TTLL12: variants seen among roughly 807,000 people sequenced by gnomAD.
The protein encoded by TTLL12 is tubulin--tyrosine ligase-like protein 12.
A neutral mutation model predicts 79.6 loss-of-function variants in TTLL12; 77 were observed. The ratio of observed to expected loss-of-function variants is 0.97; its 90% CI spans 0.81 to 1.17. The LOEUF (loss-of-function observed/expected upper bound fraction) is 1.17. Among genes scored for constraint, TTLL12 ranks in the 50% most tolerant of loss-of-function variants. The pLI, the probability that TTLL12 is intolerant of heterozygous loss-of-function variation, is 0.00. For synonymous variants in TTLL12, 437 were observed against 376.1 expected (o/e 1.16, Z -1.87); for missense variants, 969 against 895.9 (o/e 1.08, Z -1.04).
rs1157614366 is a variant in TTLL12 at position 43,180,906 on chromosome 22, C to T, written c.382G>A (p.Val128Met). Residue 128 changes from valine (V) to methionine (M), a missense_variant, in exon 3 of 14, where the codon GTG (valine) becomes ATG (methionine). Transcript: ENST00000216129. Reference sequence around the variant, plus strand: ...TGCAGCTGCTGGCGCGCGTGCTCCACACGGCACGTCCAGGCGTGGTCGATG... The same window carrying T: ...TGCAGCTGCTGGCGCGCGTGCTCCATACGGCACGTCCAGGCGTGGTCGATG... Reference protein sequence around the residue: ...FLIDHAWTCRVEHARQQLQQV... With the variant: ...FLIDHAWTCRMEHARQQLQQV... 20 of 1,612,552 alleles carry T rather than the reference C, an allele frequency of 1.2e-5. No individual in the cohort carries two copies. Among genetic ancestry groups the T allele is most frequent in the Non-Finnish European group, 1.6e-5 (19 of 1,179,830 alleles).
At chr22:43,178,378 G>C (rs368924930) in intron 5 of TTLL12, among the ~76,000 whole-genome samples, 1 of 150,612 alleles carries the variant, frequency 6.6e-6, no homozygotes, top group South Asian at 2.1e-4. Context: ...CTGGAGTGCA[G>C]TGGCGCGATC....
At chr22:43,181,303 G>T (rs1009064468) in intron 2 of TTLL12, among the ~76,000 whole-genome samples, 1 of 152,264 alleles carries the variant, frequency 6.6e-6, no homozygotes, top group Non-Finnish European at 1.5e-5. Context: ...TCACTAGCGT[G>T]AAGTCCTCAA....
rs755433997 is a variant in TTLL12, at chr22:43,173,731, C to T, written c.1325G>A (p.Arg442Gln). The T allele has an allele frequency of 2.2e-5, 36 of 1,602,512 alleles. No homozygotes were observed. Among genetic ancestry groups the T allele is most frequent in the African/African-American group, 2.0e-4 (15 of 74,902 alleles). Reference protein sequence around the residue: ...TKSLHSIIRHRESTPKVVSKY... With the variant: ...TKSLHSIIRHQESTPKVVSKY... ...GGGGCCCACCTTGGGGGTGCTCTCT[C>T]GGTGCCGGATGATGCTGTGCAGGCT... Residue 442 changes from arginine (R) to glutamine (Q), a missense_variant, in exon 9 of 14, where the codon CGA becomes CAA. Coordinates refer to ENST00000216129, the MANE Select transcript of TTLL12 (RefSeq NM_015140.4).
intron 6 of TTLL12, among the ~76,000 whole-genome samples, chr22:43,175,074 A>T (rs1931869410): frequency 6.6e-6 from 1 of 152,156 alleles, no homozygotes; most frequent in Non-Finnish European, 1.5e-5. Flanking sequence ...TCTCAGCAAG[A>T]GCCCCTGGGC....
chr22:43,186,514 G>A lies in TTLL12; in HGVS notation c.177+379C>T, dbSNP rs190413227. Among the ~76,000 whole-genome samples, 329 of 152,324 alleles carry A rather than the reference G, an allele frequency of 2.2e-3. 7 individuals are homozygous for A. Among genetic ancestry groups the A allele is most frequent in the Admixed American group, 0.018 (275 of 15,306 alleles). ...AGCTACACAAATTCACGGGGTTCCC[G>A]TTGTCCCTGTGAGGCAGCGGCTGAA... On this transcript the variant is annotated intron_variant, in intron 1 of 13. Coordinates refer to ENST00000216129, the MANE Select transcript of TTLL12 (RefSeq NM_015140.4).
chr22:43,182,110 C>A lies in TTLL12; in HGVS notation c.347+870G>T, dbSNP rs555748258. Among the ~76,000 whole-genome samples, 165 of 149,092 alleles carry A rather than the reference C, an allele frequency of 1.1e-3. 1 individual carries two copies. The highest frequency in any genetic ancestry group is 3.9e-3 in the African/African-American group (163 of 41,330). On this transcript the variant is annotated intron_variant, in intron 2 of 13. Coordinates refer to ENST00000216129, the MANE Select transcript of TTLL12 (RefSeq NM_015140.4). ...CTCTGGATCCCTAGCCTCCCCACCA[C>A]CCAAAACAAGGCTGGCAGCGGGGTA...
At position 43,186,196 on chromosome 22, in the gene TTLL12, C is replaced by CCCG. The variant is rs1052676344; in HGVS notation, c.177+696_177+697insCGG. 9.7e-5 allele frequency among the ~76,000 whole-genome samples: 14 copies of CCCG among 145,066 alleles called. 1 individual carries two copies. Among genetic ancestry groups the CCCG allele is most frequent in the African/African-American group, 1.5e-4 (6 of 40,116 alleles). The stretch of plus-strand genomic sequence containing the variant: ...GTCCCAGCTAAAGAAAACACCCCCC[C>CCCG]CCCCGCCAGCCCGGGAAGGTGCTGT... On this transcript the variant is annotated intron_variant, in intron 1 of 13. Coordinates refer to ENST00000216129, the MANE Select transcript of TTLL12 (RefSeq NM_015140.4).
rs11913764 is a variant in TTLL12 at position 43,169,875 on chromosome 22, A to G, written c.1576-307T>C. 5.1e-3 allele frequency: 2,502 copies of G among 486,162 alleles called. 49 individuals are homozygous for G. Among genetic ancestry groups the G allele is most frequent in the African/African-American group, 0.039 (2,026 of 51,388 alleles). The allele number at this position is 486,162 out of a possible 1,614,324, so 30.1% of individuals were successfully genotyped here. Reference sequence around the variant, plus strand: ...GCAGCTGTGAGGCTCACGCGAGACAATGAACATCGAGGGCTCCAGAAACTG... The same window carrying G: ...GCAGCTGTGAGGCTCACGCGAGACAGTGAACATCGAGGGCTCCAGAAACTG... On this transcript the variant is annotated intron_variant, in intron 11 of 13. Coordinates refer to ENST00000216129, the MANE Select transcript of TTLL12 (RefSeq NM_015140.4).
At chr22:43,180,320 C>T (rs1395096176) in intron 3 of TTLL12, among the ~76,000 whole-genome samples, 1 of 152,094 alleles carries the variant, frequency 6.6e-6, no homozygotes, top group Non-Finnish European at 1.5e-5. Context: ...CGTCTTTGAG[C>T]TCAGGGAAGG....
At position 43,178,974 on chromosome 22, in the gene TTLL12, T is replaced by G. The variant is rs571641991; in HGVS notation, c.840+645A>C. ...GGGAGAGGAGGGGAAGGAGGAGAGA[T>G]GGGTCAGGGTAGGAACCTCCTACCC... On this transcript the variant is annotated intron_variant, in intron 5 of 13. Coordinates refer to ENST00000216129, the MANE Select transcript of TTLL12 (RefSeq NM_015140.4). 6.0e-4 allele frequency among the ~76,000 whole-genome samples: 92 copies of G among 152,202 alleles called. No homozygotes were observed. In the Middle Eastern group the frequency reaches 0.017, roughly 28 times the overall value.
intron 5 of TTLL12, among the ~76,000 whole-genome samples, chr22:43,178,748 G>C (rs1293174505): frequency 2.6e-5 from 4 of 152,374 alleles, no homozygotes; most frequent in African/African-American, 7.2e-5. Context: ...TGCAGCCTCA[G>C]CTGGACTCCA....
At chr22:43,176,279 C>T (rs559080329) in intron 6 of TTLL12, 41 bp downstream of exon 6, 114 of 1,455,268 alleles carry the variant, frequency 7.8e-5, no homozygotes, top group Middle Eastern at 3.5e-4. Flanking sequence ...GCGGGGACTG[C>T]GGACAAGTCC....
chr22:43,182,046 G>GAAAGGCCCGGAAGCAGAAAGGCCC (rs1205893732), intron 2 of TTLL12, among the ~76,000 whole-genome samples: 9 of 150,680 alleles, frequency 6.0e-5, no homozygotes, highest in Admixed American at 1.3e-4. Flanking sequence ...CCCGGAAGCA[G>GAAAGGCCCGGAAGCAGAAAGGCCC]GTGGGGCTGA....
In TTLL12 at chr22:43,167,419, T is replaced by C. The variant is rs375667904; in HGVS notation, c.*589A>G. On this transcript the variant is annotated 3_prime_UTR_variant, in exon 14 of 14. Coordinates refer to ENST00000216129, the MANE Select transcript of TTLL12 (RefSeq NM_015140.4). ...AAGGTTCTGGGTGAGCTGGAATGGG[T>C]GATAAGGCGGGCTTGCTGGGTGGTG... The C allele has an allele frequency of 5.0e-5, 15 of 297,262 alleles. No individual in the cohort carries two copies. In the East Asian group the frequency reaches 6.1e-4, roughly 12 times the overall value. 18.4% of individuals were successfully genotyped at this position (297,262 alleles called of 1,614,324 possible).
At chr22:43,171,613 C>T (rs1931766565) in intron 11 of TTLL12, 4 of 546,498 alleles carry the variant, frequency 7.3e-6, no homozygotes, top group East Asian at 2.9e-5. Flanking sequence ...CCCTCTGTGC[C>T]GTGGGGAGAC....
intron 3 of TTLL12, among the ~76,000 whole-genome samples, chr22:43,180,434 G>T (rs1932026234): frequency 6.6e-6 from 1 of 152,174 alleles, no homozygotes; most frequent in South Asian, 2.1e-4. Context: ...TGAGTCCCCG[G>T]AGAGGCCAGC....
rs142420296 is a variant in TTLL12 at position 43,168,140 on chromosome 22, C to T, written c.1803G>A (p.Pro601=). The T allele has an allele frequency of 6.8e-6, 11 of 1,614,048 alleles. No individual in the cohort carries two copies. The highest frequency in any genetic ancestry group is 3.3e-5 in the South Asian group (3 of 91,082). ...GGTTGAAGTTCACCTCCAGGATCTG[C>T]GGCTGCATCACCCGCCTTCCTGATG... ...NGPDGRRVMQ[P]QILEVNFNPD... is the part of the protein sequence containing the mutation. The change falls in exon 14 of 14, where the codon CCG becomes CCA. Residue 601 remains proline, a synonymous_variant. Coordinates refer to ENST00000216129, the MANE Select transcript of TTLL12 (RefSeq NM_015140.4).
chr22:43,186,782 T>A, intron 1 of TTLL12, 111 bp downstream of exon 1: 1 of 1,081,182 alleles, frequency 9.2e-7, no homozygotes, highest in South Asian at 4.3e-5. Flanking sequence ...GCGCTCTGGG[T>A]GGCTCACCGC....
In TTLL12 at chr22:43,187,128, C is replaced by T; in HGVS notation, c.-59G>A. The T allele has an allele frequency of 1.0e-6, 1 of 1,001,904 alleles. No individual in the cohort carries two copies. The allele number at this position is 1,001,904 out of a possible 1,614,324, so 62.1% of individuals were successfully genotyped here. On this transcript the variant is annotated 5_prime_UTR_variant, in exon 1 of 14. Coordinates refer to ENST00000216129, the MANE Select transcript of TTLL12 (RefSeq NM_015140.4). ...ACCGCCGCCGCCGCCCGCCGTCCGTCGGCCCTGCCCTCCCGCCTCCGCCCC... is the reference window on the plus strand; with the variant it reads ...ACCGCCGCCGCCGCCCGCCGTCCGTTGGCCCTGCCCTCCCGCCTCCGCCCC...
Sources: gnomAD v4.1 joint callset for allele counts (sites outside exome capture counted in the v4.1 genomes callset) on GRCh38, gnomAD v4.1.1 for gene constraint, MANE v1.5 for transcripts, NCBI Gene and HGNC (gene_info 2026-07-23, HGNC 2026-07-21) for gene names.